Variants in SAMD9 observed in about 807,000 individuals in gnomAD.
The protein encoded by SAMD9 is sterile alpha motif domain-containing protein 9.
In SAMD9, 3 loss-of-function variants were observed where a neutral mutation model predicts 1.5. The ratio of observed to expected loss-of-function variants is 2.05; its 90% CI spans 0.93 to 5.29. The LOEUF (loss-of-function observed/expected upper bound fraction) is 5.29, where lower values mean the gene tolerates loss of function less well. Among genes scored for constraint, SAMD9 ranks in the 30% most tolerant of loss-of-function variants. The pLI, the probability that SAMD9 is intolerant of heterozygous loss-of-function variation, is 0.02. For missense variants in SAMD9, 1,597 were observed against 1,820.8 expected, an observed-to-expected ratio of 0.88 and a Z score of 2.24; for synonymous variants, 635 against 631.9, an observed-to-expected ratio of 1.00 and a Z score of -0.07.
rs947182169 is a variant in SAMD9, at chr7:93,104,239, T to C, written c.1859A>G (p.Lys620Arg). 13 of 1,613,748 alleles carry C rather than the reference T, an allele frequency of 8.1e-6. No homozygotes were observed. The highest frequency in any genetic ancestry group is 1.1e-5 in the Non-Finnish European group (13 of 1,179,842). ...TGAAGATTGAGTCACAGATTTTAGTTTAAGAATAGTGCCATTGATCTCTTC... is the reference window on the plus strand; with the variant it reads ...TGAAGATTGAGTCACAGATTTTAGTCTAAGAATAGTGCCATTGATCTCTTC... ...SLEEINGTIL[K>R]LKSVTQSSKR... The change falls in exon 3 of 3, where the codon AAA becomes AGA. Residue 620 changes from lysine (K) to arginine (R), a missense_variant. Physicochemically the swap from Lys to Arg is conservative, Grantham distance 26. Transcript: ENST00000379958.
At position 93,100,146 on chromosome 7, in the gene SAMD9, A is replaced by C. The variant is rs1791502930; in HGVS notation, c.*1182T>G. ...CTTTTTTGGTTGAAGAAACCAAAAAAGAAAACCAGGTTTTTGTCCTGTGAA... is the reference window on the plus strand; with the variant it reads ...CTTTTTTGGTTGAAGAAACCAAAAACGAAAACCAGGTTTTTGTCCTGTGAA... On this transcript the variant is annotated 3_prime_UTR_variant, in exon 3 of 3. Transcript: ENST00000379958. 6.6e-6 allele frequency: 1 copy of C among 152,174 alleles called. No homozygotes were observed. The highest frequency in any genetic ancestry group is 2.4e-5 in the African/African-American group (1 of 41,446). 9.4% of individuals were successfully genotyped at this position (152,174 alleles called of 1,614,324 possible).
intron 2 of SAMD9, among the ~76,000 whole-genome samples, chr7:93,110,331 C>T (rs1172014444): frequency 7.9e-5 from 12 of 152,154 alleles, no homozygotes; most frequent in African/African-American, 1.4e-4. Context: ...AAGGAAAATC[C>T]GGTACCAGCC....
intron 2 of SAMD9, among the ~76,000 whole-genome samples, chr7:93,111,280 C>T (rs1423827503): frequency 6.6e-6 from 1 of 152,122 alleles, no homozygotes; most frequent in East Asian, 1.9e-4. Context: ...CACAACATAC[C>T]AGAATCTCTG....
intron 2 of SAMD9, among the ~76,000 whole-genome samples, 186 bp from the exon 3 acceptor site, chr7:93,106,291 A>C (rs1176259589): frequency 6.6e-6 from 1 of 152,216 alleles, no homozygotes; most frequent in Non-Finnish European, 1.5e-5. Flanking sequence ...AAGAATACCA[A>C]ATACAAACAC....
Position 93,108,885 on chromosome 7 carries a change from T to C in SAMD9, c.-8-2780A>G, listed in dbSNP as rs370722922. On this transcript the variant is annotated intron_variant, in intron 2 of 2. Coordinates refer to ENST00000379958, the MANE Select transcript of SAMD9 (RefSeq NM_017654.4). The stretch of plus-strand genomic sequence containing the variant: ...CTCCACCTGTGGGGCAGGGCATAGC[T>C]GAACAACAGGCAGAAGAAACTTCTG... 5.9e-5 allele frequency among the ~76,000 whole-genome samples: 9 copies of C among 152,276 alleles called. No individual in the cohort carries two copies. In the East Asian group the frequency reaches 1.4e-3, roughly 23 times the overall value.
At chr7:93,106,757 G>A (rs576027582) in intron 2 of SAMD9, among the ~76,000 whole-genome samples, 40 of 152,236 alleles carry the variant, frequency 2.6e-4, no homozygotes, top group African/African-American at 9.1e-4. Context: ...AGCTTATCAG[G>A]CTAATGACCT....
rs1170802631 is a variant in SAMD9, at chr7:93,104,267, G to A, written c.1831C>T (p.Leu611Phe). The change falls in exon 3 of 3, where the codon CTT (leucine) becomes TTT (phenylalanine). Residue 611 changes from leucine to phenylalanine, a missense_variant. Leu to Phe is a conservative substitution (Grantham distance 22). Coordinates refer to ENST00000379958, the MANE Select transcript of SAMD9 (RefSeq NM_017654.4). The stretch of plus-strand genomic sequence containing the variant: ...AGAATAGTGCCATTGATCTCTTCAA[G>A]GCTTAAAGCAGAAATACATTGGCTT... Reference protein sequence around the residue: ...ISSQCISALSLEEINGTILKL... With the variant: ...ISSQCISALSFEEINGTILKL... The A allele has an allele frequency of 3.1e-6, 5 of 1,613,368 alleles. No individual in the cohort carries two copies. The Admixed American group carries it at 5.0e-5, about 16-fold the overall frequency.
rs1562773476 is a variant in SAMD9 at position 93,101,415 on chromosome 7, A to T, written c.4683T>A (p.Leu1561=). The T allele has an allele frequency of 3.1e-6, 5 of 1,613,632 alleles. No individual in the cohort carries two copies. The African/African-American group carries it at 5.3e-5, about 17-fold the overall frequency. ...CCTTCTCTATGCTTCTGCCACTTCTAAGTTGACCTAAAAAAGCGGGAGTGA... is the reference window on the plus strand; with the variant it reads ...CCTTCTCTATGCTTCTGCCACTTCTTAGTTGACCTAAAAAAGCGGGAGTGA... ...IPITPAFLGQ[L]RSGRSIEKVS... The change falls in exon 3 of 3, where the codon CTT becomes CTA. Residue 1561 remains leucine, a synonymous_variant. Transcript: ENST00000379958.
Position 93,104,716 on chromosome 7 carries a change from G to T in SAMD9, c.1382C>A (p.Ala461Glu). Residue 461 changes from alanine to glutamate, a missense_variant, in exon 3 of 3, where the codon GCA becomes GAA. Around this residue, in one of 6 missense-constraint regions of SAMD9, gnomAD observed 358 missense variants for 460.4 expected, o/e 0.78. Transcript: ENST00000379958. ...ATATACACTTGGAAAGTGAAGGTTT[G>T]CTACTCGGCTTTCTTTGTAAGCTTT... Reference protein sequence around the residue: ...VVKAYKESRVANLHFPSVYVE... With the variant: ...VVKAYKESRVENLHFPSVYVE... 1.2e-6 allele frequency: 2 copies of T among 1,613,992 alleles called. No individual in the cohort carries two copies. Among genetic ancestry groups the T allele is most frequent in the Non-Finnish European group, 1.7e-6 (2 of 1,179,926 alleles).
chr7:93,108,972 T>G (rs976386703), intron 2 of SAMD9, among the ~76,000 whole-genome samples: 1 of 152,096 alleles, frequency 6.6e-6, no homozygotes, highest in African/African-American at 2.4e-5. Flanking sequence ...AGCATGGAGT[T>G]TGAGATCTGA....
Position 93,104,677 on chromosome 7 carries a change from G to A in SAMD9, c.1421C>T (p.Thr474Ile), listed in dbSNP as rs1791599524. 6.2e-7 allele frequency: 1 copy of A among 1,614,034 alleles called. No homozygotes were observed. The highest frequency in any genetic ancestry group is 8.5e-7 in the Non-Finnish European group (1 of 1,179,928). ...AGTAGAAATCGTCTCATTTGGTGTGGTTTTCTGTTCTACATATACACTTGG... is the reference window on the plus strand; with the variant it reads ...AGTAGAAATCGTCTCATTTGGTGTGATTTTCTGTTCTACATATACACTTGG... ...HFPSVYVEQK[T>I]TPNETISTLN... The change falls in exon 3 of 3, where the codon ACC becomes ATC. Residue 474 changes from threonine to isoleucine, a missense_variant. This residue lies in a region of SAMD9 where 358 missense variants were observed against 460.4 expected (regional missense o/e 0.78). Transcript: ENST00000379958.
At position 93,113,830 on chromosome 7, in the gene SAMD9, G is replaced by A. The variant is rs892241206; in HGVS notation, c.-9+965C>T. On this transcript the variant is annotated intron_variant, in intron 2 of 2. Coordinates refer to ENST00000379958, the MANE Select transcript of SAMD9 (RefSeq NM_017654.4). ...GCTGGAGAGGATGTGGAAAAATAGGGACACTTTTACACTGTTGGTGGGACT... is the reference window on the plus strand; with the variant it reads ...GCTGGAGAGGATGTGGAAAAATAGGAACACTTTTACACTGTTGGTGGGACT... Among the ~76,000 whole-genome samples, 5 of 152,166 alleles carry A rather than the reference G, an allele frequency of 3.3e-5. No homozygotes were observed. In the South Asian group the frequency reaches 6.2e-4, roughly 19 times the overall value.
chr7:93,102,087 T>C lies in SAMD9; in HGVS notation c.4011A>G (p.Val1337=), dbSNP rs1791540851. 1 of 1,613,380 alleles carries C rather than the reference T, an allele frequency of 6.2e-7. No homozygotes were observed. Among genetic ancestry groups the C allele is most frequent in the South Asian group, 1.1e-5 (1 of 91,082 alleles). The change falls in exon 3 of 3, where the codon GTA becomes GTG. Residue 1337 remains valine (V), a synonymous_variant. Coordinates refer to ENST00000379958, the MANE Select transcript of SAMD9 (RefSeq NM_017654.4). ...CAGAAAACTTGTCTGCTTTTAAAGCTACTAGGTTTCTCCTGCATCTCTCTA... is the reference window on the plus strand; with the variant it reads ...CAGAAAACTTGTCTGCTTTTAAAGCCACTAGGTTTCTCCTGCATCTCTCTA... The part of the protein sequence containing the change: ...LQVERCRRNL[V]ALKADKFSGL...
chr7:93,101,286 T>C lies in SAMD9; in HGVS notation c.*42A>G. 2 of 1,538,594 alleles carry C rather than the reference T, an allele frequency of 1.3e-6. No individual in the cohort carries two copies. Among genetic ancestry groups the C allele is most frequent in the Non-Finnish European group, 8.9e-7 (1 of 1,119,386 alleles). On this transcript the variant is annotated 3_prime_UTR_variant, in exon 3 of 3. Transcript: ENST00000379958. ...AGATCTTGAGTCCAAAAAAATTAAA[T>C]GGGTACTGAGATCAAATTCTTGGAG...
chr7:93,104,428 A>C lies in SAMD9; in HGVS notation c.1670T>G (p.Ile557Ser), dbSNP rs6960328. The change falls in exon 3 of 3, where the codon ATT becomes AGT. Residue 557 changes from isoleucine to serine, a missense_variant. By Grantham distance (142) the Ile-to-Ser change is moderately radical. Transcript: ENST00000379958. ...SSVDDPRDPL[I>S]ETFCAFYQDL... ...CTGGTAGAAAGCACAGAAAGTCTCA[A>C]TGAGGGGATCTCTTGGGTCATCCAC... The C allele has an allele frequency of 8.7e-6, 14 of 1,613,856 alleles. No individual in the cohort carries two copies. Among genetic ancestry groups the C allele is most frequent in the Non-Finnish European group, 1.2e-5 (14 of 1,179,888 alleles).
At position 93,099,643 on chromosome 7, in the gene SAMD9, T is replaced by A. The variant is rs943983746; in HGVS notation, c.*1685A>T. The stretch of plus-strand genomic sequence containing the variant: ...TCCAGTGAAAAAATTCTAATGAGAT[T>A]TTGAAGACAGAAACAAATCACATTT... On this transcript the variant is annotated 3_prime_UTR_variant, in exon 3 of 3. Transcript: ENST00000379958. 2.6e-5 allele frequency: 4 copies of A among 152,224 alleles called. No individual in the cohort carries two copies. The highest frequency in any genetic ancestry group is 9.6e-5 in the African/African-American group (4 of 41,464). 9.4% of individuals were successfully genotyped at this position (152,224 alleles called of 1,614,324 possible).
At chr7:93,115,281 G>C (rs1268892203) in intron 1 of SAMD9, among the ~76,000 whole-genome samples, 1 of 152,150 alleles carries the variant, frequency 6.6e-6, no homozygotes, top group Admixed American at 6.5e-5. Context: ...GCTGTCTGTG[G>C]GAATGTACAT....
chr7:93,102,911 C>T lies in SAMD9; in HGVS notation c.3187G>A (p.Gly1063Arg). 6.2e-7 allele frequency: 1 copy of T among 1,613,854 alleles called. No homozygotes were observed. ...AATACAGCTTCAACTGCTTCATTTCCTTCATCTTTATGTAATGCTTCAATA... is the reference window on the plus strand; with the variant it reads ...AATACAGCTTCAACTGCTTCATTTCTTTCATCTTTATGTAATGCTTCAATA... ...PFIEALHKDE[G>R]NEAVEAVLLE... The change falls in exon 3 of 3, where the codon GGA becomes AGA. Residue 1063 changes from glycine (G) to arginine (R), a missense_variant. Physicochemically the swap from Gly to Arg is moderately radical, Grantham distance 125. Coordinates refer to ENST00000379958, the MANE Select transcript of SAMD9 (RefSeq NM_017654.4).
Position 93,106,042 on chromosome 7 carries a change from A to T in SAMD9, c.56T>A (p.Val19Glu), listed in dbSNP as rs775165048. ...CTTATGACTTTCTAACCACTGATTT[A>T]CATCCTCTTTTGTCCAATCATCTGT... ...ENTDDWTKEDVNQWLESHKID... is the reference protein window; with the variant it reads ...ENTDDWTKEDENQWLESHKID... The change falls in exon 3 of 3, where the codon GTA becomes GAA. Residue 19 changes from valine (V) to glutamate (E), a missense_variant. Coordinates refer to ENST00000379958, the MANE Select transcript of SAMD9 (RefSeq NM_017654.4). The T allele has an allele frequency of 6.3e-7, 1 of 1,594,848 alleles. No individual in the cohort carries two copies. The highest frequency in any genetic ancestry group is 8.5e-7 in the Non-Finnish European group (1 of 1,174,572).
Sources: gnomAD v4.1 joint callset for allele counts (sites outside exome capture counted in the v4.1 genomes callset) on GRCh38, gnomAD v4.1.1 for gene constraint, gnomAD v4.1.1 regional missense constraint, MANE v1.5 for transcripts, NCBI Gene and HGNC (gene_info 2026-07-23, HGNC 2026-07-21) for gene names.